Variants in FAM110B observed in about 807,000 individuals in gnomAD.
The protein encoded by FAM110B is family with sequence similarity 110 member B.
Under a neutral mutation model 20.4 loss-of-function variants are expected in FAM110B, and 6 were observed. That is an observed-to-expected ratio of 0.29 (90% CI 0.16 to 0.58). FAM110B has a LOEUF of 0.58. Ranked by LOEUF, FAM110B falls within the 20% of genes least tolerant of loss-of-function variation. The pLI is 0.90. For synonymous variants in FAM110B, 226 were observed against 214.1 expected, an observed-to-expected ratio of 1.06 and a Z score of -0.49; for missense variants, 434 against 498.2, an observed-to-expected ratio of 0.87 and a Z score of 1.23.
Position 58,146,770 on chromosome 8 carries a change from C to T in FAM110B, c.540C>T (p.His180=). The T allele has an allele frequency of 3.1e-6, 5 of 1,611,430 alleles. No individual in the cohort carries two copies. Among genetic ancestry groups the T allele is most frequent in the Non-Finnish European group, 4.2e-6 (5 of 1,178,740 alleles). Residue 180 remains histidine (H), a synonymous_variant, in exon 4 of 4, where the codon CAC becomes CAT. Coordinates refer to ENST00000519262, the MANE Select transcript of FAM110B (RefSeq NM_001377989.1). The stretch of plus-strand genomic sequence containing the variant: ...GGAGCCCGCAGGAGGGCGGCTCCCA[C>T]GTGGGCAGGAGACTGCTGGAGCAGT... ...GRRSPQEGGS[H]VGRRLLEQSA...
chr8:58,035,170 A>T (rs1456470902), intron 2 of FAM110B, among the ~76,000 whole-genome samples: 1 of 152,232 alleles, frequency 6.6e-6, no homozygotes, highest in Non-Finnish European at 1.5e-5. Flanking sequence ...AAGAATAAAG[A>T]TAGTAGTAAT....
At chr8:58,025,114 A>C (rs1314749201) in intron 1 of FAM110B, among the ~76,000 whole-genome samples, 2 of 152,222 alleles carry the variant, frequency 1.3e-5, no homozygotes, top group African/African-American at 4.8e-5. Flanking sequence ...CCAGTGATTA[A>C]GATAACCAGG....
At chr8:58,107,831 T>A (rs956840088) in intron 3 of FAM110B, among the ~76,000 whole-genome samples, 3 of 152,220 alleles carry the variant, frequency 2.0e-5, no homozygotes, top group Non-Finnish European at 4.4e-5. Context: ...TCTGACAGCA[T>A]GCTTGGTTAC....
At position 58,109,388 on chromosome 8, in the gene FAM110B, C is replaced by T. The variant is rs555447773; in HGVS notation, c.-325+33765C>T. 5.3e-5 allele frequency among the ~76,000 whole-genome samples: 8 copies of T among 152,176 alleles called. No individual in the cohort carries two copies. In the Middle Eastern group the frequency reaches 0.01, roughly 195 times the overall value. ...TTTTGCTATACAAATCTAGCCATCA[C>T]GAGAACCTGTGTAAATAGAACTCAT... On this transcript the variant is annotated intron_variant, in intron 3 of 3. Transcript: ENST00000519262.
At chr8:58,005,423 C>T (rs1434368624) in intron 1 of FAM110B, among the ~76,000 whole-genome samples, 2 of 152,126 alleles carry the variant, frequency 1.3e-5, no homozygotes, top group Non-Finnish European at 2.9e-5. Context: ...AAATATTGTG[C>T]GAATTACCAA....
intron 3 of FAM110B, among the ~76,000 whole-genome samples, chr8:58,105,014 A>G (rs1158674638): frequency 1.4e-5 from 2 of 144,456 alleles, no homozygotes; most frequent in East Asian, 3.9e-4. Flanking sequence ...TTTTTTTTTT[A>G]ACAAAATGAG....
chr8:58,018,709 C>T (rs1252502362), intron 1 of FAM110B, among the ~76,000 whole-genome samples: 3 of 152,060 alleles, frequency 2.0e-5, no homozygotes, highest in Non-Finnish European at 2.9e-5. Flanking sequence ...TTTCTTGCCT[C>T]ACTTTGGCTT....
At chr8:58,010,679 G>A (rs748750101) in intron 1 of FAM110B, among the ~76,000 whole-genome samples, 2 of 152,206 alleles carry the variant, frequency 1.3e-5, no homozygotes, top group African/African-American at 2.4e-5. Context: ...CACCATTAGA[G>A]GCACATGTGT....
intron 3 of FAM110B, among the ~76,000 whole-genome samples, chr8:58,102,144 C>A (rs2150611907): frequency 6.6e-6 from 1 of 152,298 alleles, no homozygotes; most frequent in African/African-American, 2.4e-5. Context: ...GAAAGCAGAG[C>A]AAGCATGTTA....
At chr8:58,131,335 C>T (rs947994195) in intron 3 of FAM110B, among the ~76,000 whole-genome samples, 1 of 152,052 alleles carries the variant, frequency 6.6e-6, no homozygotes, top group Non-Finnish European at 1.5e-5. Flanking sequence ...ACTGCAGCCT[C>T]GAACCCCTGG....
chr8:58,021,569 T>C (rs1169294189), intron 1 of FAM110B, among the ~76,000 whole-genome samples: 1 of 152,096 alleles, frequency 6.6e-6, no homozygotes, highest in Non-Finnish European at 1.5e-5. Flanking sequence ...AAATATATTG[T>C]CATTTAGTAG....
At chr8:58,126,520 CA>C (rs902812780) in intron 3 of FAM110B, among the ~76,000 whole-genome samples, 71 of 152,124 alleles carry the variant, frequency 4.7e-4, no homozygotes, top group African/African-American at 1.3e-3. Context: ...ACTATCAAGG[CA>C]TATAGTGATA....
chr8:57,999,476 A>G (rs1371391546), intron 1 of FAM110B, among the ~76,000 whole-genome samples: 3 of 152,104 alleles, frequency 2.0e-5, no homozygotes, highest in Admixed American at 6.5e-5. Context: ...ATTTTTTAGG[A>G]GGAATCACAT....
intron 3 of FAM110B, among the ~76,000 whole-genome samples, chr8:58,103,373 C>T (rs1433370498): frequency 6.7e-6 from 1 of 148,722 alleles, no homozygotes; most frequent in Non-Finnish European, 1.5e-5. Flanking sequence ...CTTCCTGTGT[C>T]CATGTGTTCT....
chr8:58,030,866 C>T (rs1804949691), intron 1 of FAM110B, among the ~76,000 whole-genome samples: 1 of 152,138 alleles, frequency 6.6e-6, no homozygotes. Context: ...ATGACTCGTC[C>T]CAGTATCTCC....
intron 2 of FAM110B, among the ~76,000 whole-genome samples, chr8:58,052,142 C>G (rs998895056): frequency 2.0e-5 from 3 of 152,182 alleles, no homozygotes; most frequent in Admixed American, 6.5e-5. Flanking sequence ...GGGCACTGGA[C>G]AGGGAACACG....
intron 3 of FAM110B, among the ~76,000 whole-genome samples, chr8:58,139,592 G>T (rs1803695347): frequency 6.6e-6 from 1 of 152,186 alleles, no homozygotes; most frequent in South Asian, 2.1e-4. Flanking sequence ...TATAAAAGGG[G>T]TTAATGAAAG....
intron 3 of FAM110B, among the ~76,000 whole-genome samples, chr8:58,114,737 G>A (rs1057417016): frequency 6.6e-6 from 1 of 152,306 alleles, no homozygotes; most frequent in East Asian, 1.9e-4. Flanking sequence ...GTCCCATGTG[G>A]AGATTCATTT....
At chr8:58,096,277 G>A (rs1345213869) in intron 3 of FAM110B, among the ~76,000 whole-genome samples, 2 of 152,076 alleles carry the variant, frequency 1.3e-5, no homozygotes, top group Non-Finnish European at 2.9e-5. Flanking sequence ...CCGGTTTCAA[G>A]CAATTCTCCT....
Sources: allele counts gnomAD v4.1 joint callset (sites outside exome capture counted in the v4.1 genomes callset), GRCh38; gene constraint gnomAD v4.1.1; transcripts MANE v1.5; gene names NCBI Gene and HGNC (gene_info 2026-07-23, HGNC 2026-07-21).